GDA: variants seen among roughly 807,000 people sequenced by gnomAD.
The protein encoded by GDA is guanine deaminase.
A neutral mutation model predicts 59.6 loss-of-function variants in GDA; 18 were observed. The observed-to-expected ratio is 0.30, with a 90% CI of 0.21 to 0.45. The LOEUF (loss-of-function observed/expected upper bound fraction) is 0.45. Ranked by LOEUF, GDA falls within the 20% of genes least tolerant of loss-of-function variation. The pLI is 1.00. For synonymous variants in GDA, 201 were observed against 201.1 expected (o/e 1.00, Z 0.00); for missense variants, 427 against 552.3 (o/e 0.77, Z 2.27).
intron 1 of GDA, among the ~76,000 whole-genome samples, chr9:72,138,408 C>G (rs865773723): frequency 1.3e-5 from 2 of 152,146 alleles, no homozygotes; most frequent in Non-Finnish European, 2.9e-5. Context: ...GGAGCAGAAC[C>G]GCTCTTAGTT....
At chr9:72,223,283 C>A in intron 7 of GDA, 56 bp downstream of exon 7, 1 of 897,800 alleles carries the variant, frequency 1.1e-6, no homozygotes, top group African/African-American at 1.7e-5. Context: ...TTTCTCAGCA[C>A]CCTTAAATCA....
intron 1 of GDA, among the ~76,000 whole-genome samples, chr9:72,188,577 A>G (rs75870488): frequency 0.026 from 4,026 of 152,322 alleles, 180 homozygotes; most frequent in African/African-American, 0.092. Context: ...ATTTCAAAGT[A>G]TGTTGCAAAT....
upstream of GDA, among the ~76,000 whole-genome samples, chr9:72,145,965 T>C (rs1437381424): frequency 6.6e-6 from 1 of 152,060 alleles, no homozygotes; most frequent in Non-Finnish European, 1.5e-5. Flanking sequence ...CCAGGGACTG[T>C]GTTAAGGGGA....
intron 4 of GDA, among the ~76,000 whole-genome samples, 194 bp downstream of exon 4, chr9:72,210,968 A>G (rs1271880451): frequency 6.6e-6 from 1 of 152,218 alleles, no homozygotes; most frequent in Non-Finnish European, 1.5e-5. Context: ...CTTAGAAAAT[A>G]GAAAACTGTA....
At chr9:72,224,703 G>A (rs999631587) in intron 7 of GDA, among the ~76,000 whole-genome samples, 1 of 152,192 alleles carries the variant, frequency 6.6e-6, no homozygotes, top group South Asian at 2.1e-4. Flanking sequence ...TGCATCCGGA[G>A]GGGCAGTGCT....
At position 72,231,101 on chromosome 9, in the gene GDA, C is replaced by T; in HGVS notation, c.921-13C>T. ...CATGGATCTCCTTGTTCTGACATCT[C>T]CTCTCTCTACAGGCTCAGCAGTGGA... On this transcript the variant is annotated splice_polypyrimidine_tract_variant and intron_variant, in intron 9 of 13. Coordinates refer to ENST00000358399, the MANE Select transcript of GDA (RefSeq NM_004293.5). The T allele has an allele frequency of 6.6e-7, 1 of 1,504,442 alleles. No homozygotes were observed. Among genetic ancestry groups the T allele is most frequent in the South Asian group, 1.1e-5 (1 of 88,830 alleles). 93.2% of individuals were successfully genotyped at this position (1,504,442 alleles called of 1,614,324 possible). A position where few individuals can be genotyped will look rare whatever the true frequency, so the allele number is the denominator to read the frequency against.
At chr9:72,219,971 AC>A (rs1836653228) in intron 6 of GDA, among the ~76,000 whole-genome samples, 1 of 152,242 alleles carries the variant, frequency 6.6e-6, no homozygotes, top group Non-Finnish European at 1.5e-5. Context: ...AGATATCTGC[AC>A]TTCTATATTC....
Position 72,231,115 on chromosome 9 carries a change from C to G in GDA, c.922C>G (p.Leu308Val), listed in dbSNP as rs1838287116. ...TTCTGACATCTCCTCTCTCTACAGG[C>G]TCAGCAGTGGATTTCTAAATGTGCT... ...IAHCPNSNLS[L>V]SSGFLNVLEV... The change falls in exon 10 of 14, where the codon CTC becomes GTC. Residue 308 changes from leucine (L) to valine (V), a missense_variant and splice_region_variant. Physicochemically the swap from Leu to Val is conservative, Grantham distance 32. Coordinates refer to ENST00000358399, the MANE Select transcript of GDA (RefSeq NM_004293.5). 2 of 1,567,656 alleles carry G rather than the reference C, an allele frequency of 1.3e-6. No homozygotes were observed. Among genetic ancestry groups the G allele is most frequent in the Non-Finnish European group, 8.8e-7 (1 of 1,137,746 alleles).
intron 5 of GDA, among the ~76,000 whole-genome samples, chr9:72,216,595 T>G (rs545559331): frequency 1.3e-4 from 20 of 152,326 alleles, no homozygotes; most frequent in Admixed American, 7.8e-4. Flanking sequence ...ATTGTATGAT[T>G]TAATTGATAT....
At position 72,149,449 on chromosome 9, in the gene GDA, C is replaced by T; in HGVS notation, c.-111C>T. ...CCGGGTAAGCGGGGGCAGGACAAGG[C>T]CGGAGCCTGTGTCCGCCCGGCAGCC... On this transcript the variant is annotated 5_prime_UTR_variant, in exon 1 of 14. Transcript: ENST00000358399. The T allele has an allele frequency of 7.5e-7, 1 of 1,337,678 alleles. No individual in the cohort carries two copies. Among genetic ancestry groups the T allele is most frequent in the East Asian group, 2.7e-5 (1 of 37,452 alleles). The allele number at this position is 1,337,678 out of a possible 1,614,324, so 82.9% of individuals were successfully genotyped here. A position where few individuals can be genotyped will look rare whatever the true frequency, so the allele number is the denominator to read the frequency against.
At chr9:72,147,822 G>A (rs1826723452), upstream of GDA, among the ~76,000 whole-genome samples, 1 of 152,164 alleles carries the variant, frequency 6.6e-6, no homozygotes, top group Non-Finnish European at 1.5e-5. Context: ...CTGCCAGGAG[G>A]GAGTGCAGTT....
chr9:72,130,781 G>T (rs1273044980), intron 1 of GDA, among the ~76,000 whole-genome samples: 1 of 152,184 alleles, frequency 6.6e-6, no homozygotes, highest in Non-Finnish European at 1.5e-5. Context: ...GTTGTGAAGG[G>T]TAAGTTTAGA....
intron 1 of GDA, among the ~76,000 whole-genome samples, chr9:72,130,922 C>T (rs1177341646): frequency 1.3e-5 from 2 of 152,132 alleles, no homozygotes; most frequent in Non-Finnish European, 2.9e-5. Flanking sequence ...TTGCCTTAAC[C>T]CATAACCTCC....
At chr9:72,168,218 G>GAGAT (rs1410958452) in intron 1 of GDA, among the ~76,000 whole-genome samples, 1 of 151,920 alleles carries the variant, frequency 6.6e-6, no homozygotes, top group African/African-American at 2.4e-5. Context: ...GCAACACAGG[G>GAGAT]AGATCCCTCT....
At chr9:72,254,778 G>A (rs1840848064), downstream of GDA, among the ~76,000 whole-genome samples, 1 of 152,190 alleles carries the variant, frequency 6.6e-6, no homozygotes, top group Non-Finnish European at 1.5e-5. Context: ...ATCCAAGCGA[G>A]AATTCTGTTT....
chr9:72,136,932 G>A lies in GDA; in HGVS notation c.-100+22099G>A, dbSNP rs534400964. Reference sequence around the variant, plus strand: ...GGAACTTGCAGTGAGTGGAGATTGCGCCATTGCACTCCAGCCTTGGTCCTT... The same window carrying A: ...GGAACTTGCAGTGAGTGGAGATTGCACCATTGCACTCCAGCCTTGGTCCTT... On this transcript the variant is annotated intron_variant, in intron 1 of 13. Coordinates refer to the GDA transcript ENST00000545168. Among the ~76,000 whole-genome samples the A allele has an allele frequency of 7.0e-4, 107 of 152,152 alleles. 2 individuals are homozygous for A. The highest frequency in any genetic ancestry group is 3.4e-3 in the Middle Eastern group (1 of 294).
intron 1 of GDA, among the ~76,000 whole-genome samples, chr9:72,143,699 G>A (rs1242258474): frequency 6.6e-6 from 1 of 152,000 alleles, no homozygotes; most frequent in Non-Finnish European, 1.5e-5. Context: ...AAACTTAATT[G>A]CTATTCTAAA....
At chr9:72,181,585 A>G (rs1206328935) in intron 1 of GDA, among the ~76,000 whole-genome samples, 1 of 152,132 alleles carries the variant, frequency 6.6e-6, no homozygotes, top group African/African-American at 2.4e-5. Context: ...TTGGCCTCCC[A>G]AAGTGCTGGG....
At chr9:72,168,233 A>G (rs774315816) in intron 1 of GDA, among the ~76,000 whole-genome samples, 5 of 151,926 alleles carry the variant, frequency 3.3e-5, no homozygotes, top group African/African-American at 4.8e-5. Flanking sequence ...CCCTCTGTAC[A>G]AAACAAACAA....
Sources: gnomAD v4.1 joint callset for allele counts (sites outside exome capture counted in the v4.1 genomes callset) on GRCh38, gnomAD v4.1.1 for gene constraint, MANE v1.5 for transcripts, NCBI Gene and HGNC (gene_info 2026-07-23, HGNC 2026-07-21) for gene names.